EPRS1: variants seen among roughly 807,000 people sequenced by gnomAD.
The protein encoded by EPRS1 is glutamyl-prolyl-tRNA synthetase 1.
Under a neutral mutation model 188.3 loss-of-function variants are expected in EPRS1, and 107 were observed. That is an observed-to-expected ratio of 0.57 (90% confidence interval 0.49 to 0.67). The LOEUF (loss-of-function observed/expected upper bound fraction) is 0.67, where lower values mean the gene tolerates loss of function less well. Ranked by LOEUF, EPRS1 falls within the 30% of genes least tolerant of loss-of-function variation. The pLI is 0.00. For synonymous variants in EPRS1, 596 were observed against 593.1 expected (o/e 1.00, Z -0.07); for missense variants, 1,577 against 1,802.2 (o/e 0.88, Z 2.26).
At position 219,997,292 on chromosome 1, in the gene EPRS1, A is replaced by G. The variant is rs1451475653; in HGVS notation, c.2232T>C (p.Cys744=). The G allele has an allele frequency of 1.2e-6, 2 of 1,612,990 alleles. No homozygotes were observed. The highest frequency in any genetic ancestry group is 1.7e-6 in the Non-Finnish European group (2 of 1,179,376). The stretch of plus-strand genomic sequence containing the variant: ...GGACCAAGGAATCCTCAGATGTAGT[A>G]CAATTATTATTCAGAGAAGGTGTTG... ...ERPTPSLNNN[C]TTSEDSLVLY... is the part of the protein sequence containing the mutation. The change falls in exon 18 of 32, where the codon TGT becomes TGC. Residue 744 remains cysteine, a synonymous_variant. Transcript: ENST00000366923.
At chr1:220,028,218 C>T (rs1571693691) in intron 6 of EPRS1, among the ~76,000 whole-genome samples, 1 of 152,172 alleles carries the variant, frequency 6.6e-6, no homozygotes, top group African/African-American at 2.4e-5. Flanking sequence ...ATGTTATAAC[C>T]ATTGTCAAGA....
chr1:220,019,185 T>G, intron 10 of EPRS1, 106 bp from the exon 11 acceptor site: 1 of 772,420 alleles, frequency 1.3e-6, no homozygotes, highest in South Asian at 1.6e-5. Flanking sequence ...TGTTAAACAT[T>G]TGTCTAAGAG....
chr1:220,029,097 A>G (rs1662039495), intron 6 of EPRS1, among the ~76,000 whole-genome samples: 1 of 152,224 alleles, frequency 6.6e-6, no homozygotes, highest in African/African-American at 2.4e-5. Flanking sequence ...GCGCAGCTAA[A>G]AATGGCCACT....
intron 12 of EPRS1, among the ~76,000 whole-genome samples, chr1:220,014,140 C>G (rs1438357934): frequency 6.6e-6 from 1 of 152,106 alleles, no homozygotes; most frequent in Non-Finnish European, 1.5e-5. Context: ...CCAGCCTGGC[C>G]AACATGGTGA....
intron 1 of EPRS1, 147 bp downstream of exon 1, chr1:220,046,196 C>A: frequency 1.1e-6 from 1 of 926,438 alleles, no homozygotes; most frequent in Non-Finnish European, 1.6e-6. Flanking sequence ...GCGGAGCCTC[C>A]TCCACGTACA....
intron 14 of EPRS1, 80 bp from the exon 15 acceptor site, chr1:220,006,393 T>C (rs1485281876): frequency 2.6e-6 from 1 of 391,122 alleles, no homozygotes; most frequent in Non-Finnish European, 4.2e-6. Context: ...ATAATAATTT[T>C]ATATTATTAT....
Position 220,043,538 on chromosome 1 carries a change from G to A in EPRS1, c.46+2805C>T, listed in dbSNP as rs377359174. On this transcript the variant is annotated intron_variant, in intron 1 of 31. Coordinates refer to ENST00000366923, the MANE Select transcript of EPRS1 (RefSeq NM_004446.3). ...TCAATGGATACTGAAACTAGTGGGTGAAGATCTGATGCAAAGTGGAACATT... is the reference window on the plus strand; with the variant it reads ...TCAATGGATACTGAAACTAGTGGGTAAAGATCTGATGCAAAGTGGAACATT... Among the ~76,000 whole-genome samples the A allele has an allele frequency of 4.6e-5, 7 of 152,140 alleles. No individual in the cohort carries two copies. The East Asian group carries it at 9.6e-4, about 21-fold the overall frequency.
chr1:220,006,671 G>A (rs1661493584), intron 14 of EPRS1, among the ~76,000 whole-genome samples: 1 of 152,124 alleles, frequency 6.6e-6, no homozygotes, highest in African/African-American at 2.4e-5. Context: ...ACATTTGGCA[G>A]TTACTTGCAA....
At chr1:219,975,073 G>A (rs184271848) in intron 28 of EPRS1, among the ~76,000 whole-genome samples, 1 of 152,178 alleles carries the variant, frequency 6.6e-6, no homozygotes, top group Admixed American at 6.5e-5. Context: ...AAAGTCTGAG[G>A]AACTACTTCT....
chr1:220,032,748 T>C (rs1249353624), intron 4 of EPRS1, among the ~76,000 whole-genome samples: 7 of 152,064 alleles, frequency 4.6e-5, no homozygotes, highest in African/African-American at 1.7e-4. Flanking sequence ...AGACGAAAAA[T>C]ATGCAAAGCT....
At chr1:220,026,009 G>A (rs969006580) in intron 6 of EPRS1, among the ~76,000 whole-genome samples, 4 of 152,104 alleles carry the variant, frequency 2.6e-5, no homozygotes, top group African/African-American at 9.7e-5. Context: ...TGGCCAGGAT[G>A]GTCTCGATCT....
chr1:220,027,422 C>T (rs1284055184), intron 6 of EPRS1, among the ~76,000 whole-genome samples: 1 of 64,200 alleles, frequency 1.6e-5, no homozygotes, highest in East Asian at 6.9e-4. Flanking sequence ...AGCAAGACTC[C>T]ATCTCAAAAA....
At chr1:220,040,131 T>A in intron 2 of EPRS1, 54 bp downstream of exon 2, 1 of 1,222,970 alleles carries the variant, frequency 8.2e-7, no homozygotes, top group Non-Finnish European at 1.2e-6. Flanking sequence ...AAAAAAACTC[T>A]AAAAAAAAGA....
chr1:219,980,955 A>G (rs1660884453), intron 24 of EPRS1, 98 bp from the exon 25 acceptor site: 3 of 753,334 alleles, frequency 4.0e-6, no homozygotes, highest in Middle Eastern at 3.4e-4. Flanking sequence ...GCTGGAGTGC[A>G]GTGGTGCAAT....
chr1:219,972,284 T>C, intron 29 of EPRS1, 137 bp from the exon 30 acceptor site: 1 of 544,594 alleles, frequency 1.8e-6, no homozygotes, highest in Non-Finnish European at 3.3e-6. Flanking sequence ...AGTCTATCAC[T>C]CATAGTGACC....
intron 28 of EPRS1, 42 bp downstream of exon 28, chr1:219,978,504 A>T: frequency 6.9e-7 from 1 of 1,440,916 alleles, no homozygotes; most frequent in South Asian, 1.3e-5. Flanking sequence ...CTAAACTCAA[A>T]TTGCAGATGT....
chr1:220,041,657 A>T (rs976295205), intron 1 of EPRS1, among the ~76,000 whole-genome samples: 2 of 152,134 alleles, frequency 1.3e-5, no homozygotes, highest in African/African-American at 4.8e-5. Context: ...CCTGACCAAC[A>T]TGGAGAAACC....
chr1:220,005,611 A>C (rs889229198), intron 15 of EPRS1, among the ~76,000 whole-genome samples: 3 of 152,204 alleles, frequency 2.0e-5, no homozygotes, highest in African/African-American at 7.2e-5. Flanking sequence ...GCATTCCAGA[A>C]GAAATAATTT....
At chr1:220,016,795 C>T (rs1661726624) in intron 12 of EPRS1, among the ~76,000 whole-genome samples, 1 of 148,342 alleles carries the variant, frequency 6.7e-6, no homozygotes, top group African/African-American at 2.5e-5. Context: ...AGACAATCAA[C>T]TACAAGCAAA....
Sources: gnomAD v4.1 joint callset for allele counts (sites outside exome capture counted in the v4.1 genomes callset) on GRCh38, gnomAD v4.1.1 for gene constraint, MANE v1.5 for transcripts, NCBI Gene and HGNC (gene_info 2026-07-23, HGNC 2026-07-21) for gene names.